Variants in CDC14A observed in about 807,000 individuals in gnomAD.
The protein encoded by CDC14A is cell division cycle 14A.
In CDC14A, 53 loss-of-function variants were observed where a neutral mutation model predicts 74.4. The observed-to-expected ratio is 0.71, with a 90% CI of 0.57 to 0.89. The LOEUF is 0.89. Ranked by LOEUF, CDC14A falls within the 40% of genes least tolerant of loss-of-function variation. The pLI is 0.00. For synonymous variants in CDC14A, 247 were observed against 258.4 expected, an observed-to-expected ratio of 0.96 and a Z score of 0.43; for missense variants, 646 against 713.7, an observed-to-expected ratio of 0.91 and a Z score of 1.08.
chr1:100,463,160 G>GT (rs1667480320), intron 9 of CDC14A, among the ~76,000 whole-genome samples: 2 of 152,168 alleles, frequency 1.3e-5, no homozygotes, highest in Non-Finnish European at 2.9e-5. Context: ...CACAGTAGCA[G>GT]TGTCTTTAGG....
intron 2 of CDC14A, among the ~76,000 whole-genome samples, chr1:100,375,702 A>T (rs1338882342): frequency 2.0e-5 from 3 of 152,234 alleles, no homozygotes; most frequent in Non-Finnish European, 4.4e-5. Flanking sequence ...TGTTGGTAGG[A>T]CTGTAAACTA....
intron 5 of CDC14A, among the ~76,000 whole-genome samples, chr1:100,427,297 A>T (rs1377582631): frequency 1.3e-5 from 2 of 152,184 alleles, no homozygotes; most frequent in Non-Finnish European, 2.9e-5. Context: ...AAAAATGAAG[A>T]TGATTTTGAA....
Position 100,509,272 on chromosome 1 carries a change from T to C in CDC14A, c.1756-8979T>C, listed in dbSNP as rs778948516. ...TAATCTCACCAGACCATAGCAATCA[T>C]GATGTTTTTTGAAGTCATTCTGTTT... On this transcript the variant is annotated intron_variant, in intron 15 of 15. Transcript: ENST00000336454. Among the ~76,000 whole-genome samples the C allele has an allele frequency of 5.3e-5, 8 of 152,314 alleles. No homozygotes were observed. The South Asian group carries it at 6.2e-4, about 12-fold the overall frequency.
chr1:100,442,292 C>T (rs778522887), intron 6 of CDC14A, among the ~76,000 whole-genome samples: 5 of 145,196 alleles, frequency 3.4e-5, no homozygotes, highest in Non-Finnish European at 6.0e-5. Context: ...AGAAATATTA[C>T]ATATATATTA....
At chr1:100,465,703 A>G (rs1667734987) in intron 9 of CDC14A, among the ~76,000 whole-genome samples, 2 of 152,252 alleles carry the variant, frequency 1.3e-5, no homozygotes, top group South Asian at 4.1e-4. Flanking sequence ...ATTACATTTC[A>G]ATATCTGCAT....
At chr1:100,361,133 A>G (rs1399616195) in intron 2 of CDC14A, among the ~76,000 whole-genome samples, 2 of 152,144 alleles carry the variant, frequency 1.3e-5, no homozygotes, top group African/African-American at 4.8e-5. Context: ...CAAAAAACAA[A>G]AAAACTAAAA....
At chr1:100,431,275 T>G (rs1344736748) in intron 5 of CDC14A, among the ~76,000 whole-genome samples, 1 of 152,104 alleles carries the variant, frequency 6.6e-6, no homozygotes, top group Non-Finnish European at 1.5e-5. Context: ...GTGATTTGTG[T>G]TGCGAAAATT....
In CDC14A at chr1:100,505,007, T is replaced by G. The variant is rs1308890066; in HGVS notation, c.1755+5745T>G. 5 of 1,322,128 alleles carry G rather than the reference T, an allele frequency of 3.8e-6. No homozygotes were observed. The African/African-American group carries it at 5.9e-5, about 16-fold the overall frequency. The allele number at this position is 1,322,128 out of a possible 1,614,324, so 81.9% of individuals were successfully genotyped here. A position where few individuals can be genotyped will look rare whatever the true frequency, so the allele number is the denominator to read the frequency against. On this transcript the variant is annotated intron_variant, in intron 15 of 15. Coordinates refer to ENST00000336454, the MANE Select transcript of CDC14A (RefSeq NM_003672.4). ...ATGCTATTATATACATGAACATCTA[T>G]ATTTGTTTACATATTGTCTGTGTAT... is the stretch of plus-strand genomic sequence containing the variant.
intron 2 of CDC14A, among the ~76,000 whole-genome samples, chr1:100,361,781 T>C (rs1393951605): frequency 6.6e-6 from 1 of 152,180 alleles, no homozygotes; most frequent in Non-Finnish European, 1.5e-5. Context: ...TGGATGTCAG[T>C]AAATTGTGCT....
chr1:100,386,422 T>C (rs1656874337), intron 3 of CDC14A, among the ~76,000 whole-genome samples: 1 of 152,208 alleles, frequency 6.6e-6, no homozygotes, highest in Non-Finnish European at 1.5e-5. Flanking sequence ...CCTGTGAGCT[T>C]CTTGTGTAAA....
At chr1:100,380,257 G>T (rs982070919) in intron 3 of CDC14A, among the ~76,000 whole-genome samples, 2 of 152,116 alleles carry the variant, frequency 1.3e-5, no homozygotes, top group Non-Finnish European at 2.9e-5. Flanking sequence ...CTCAGAAAGG[G>T]AAGCCTGGGA....
chr1:100,462,444 CAGA>C, intron 8 of CDC14A: 1 of 555,004 alleles, frequency 1.8e-6, no homozygotes, highest in Non-Finnish European at 3.2e-6. Flanking sequence ...TCAGTACTTA[CAGA>C]AGTTTTCTTT....
chr1:100,470,680 A>G (rs2082215272), intron 10 of CDC14A, among the ~76,000 whole-genome samples: 1 of 152,280 alleles, frequency 6.6e-6, no homozygotes, highest in South Asian at 2.1e-4. Flanking sequence ...ATAGAAGGTA[A>G]TATATGTATA....
intron 10 of CDC14A, among the ~76,000 whole-genome samples, chr1:100,472,267 T>C (rs1571281500): frequency 1.3e-5 from 2 of 152,206 alleles, no homozygotes; most frequent in Non-Finnish European, 2.9e-5. Context: ...GTTGGAGATA[T>C]ACCTGTGAGT....
At chr1:100,388,706 A>G (rs1657217553) in intron 3 of CDC14A, among the ~76,000 whole-genome samples, 1 of 152,114 alleles carries the variant, frequency 6.6e-6, no homozygotes, top group African/African-American at 2.4e-5. Context: ...TCCTGAGCTT[A>G]AGTGATACTC....
intron 2 of CDC14A, among the ~76,000 whole-genome samples, chr1:100,362,949 CAG>C (rs1457939522): frequency 6.6e-6 from 1 of 152,176 alleles, no homozygotes; most frequent in Non-Finnish European, 1.5e-5. Context: ...TCTTGTGAGA[CAG>C]AGGAGTCCAA....
At chr1:100,422,840 T>G (rs1050042979) in intron 4 of CDC14A, among the ~76,000 whole-genome samples, 1 of 152,210 alleles carries the variant, frequency 6.6e-6, no homozygotes, top group African/African-American at 2.4e-5. Context: ...CGTTTTCTAG[T>G]CCTGAAATAT....
chr1:100,466,827 A>C (rs1445513464), intron 9 of CDC14A, among the ~76,000 whole-genome samples: 1 of 146,668 alleles, frequency 6.8e-6, no homozygotes, highest in Non-Finnish European at 1.5e-5. Context: ...CCGAGATCGC[A>C]CTATTGCATT....
intron 4 of CDC14A, 25 bp from the exon 5 acceptor site, chr1:100,424,197 A>C: frequency 6.4e-7 from 1 of 1,551,802 alleles, no homozygotes; most frequent in Non-Finnish European, 8.9e-7. Flanking sequence ...TGGGTGTTCT[A>C]AATGTTACTA....
Sources: allele counts gnomAD v4.1 joint callset (sites outside exome capture counted in the v4.1 genomes callset), GRCh38; gene constraint gnomAD v4.1.1; transcripts MANE v1.5; gene names NCBI Gene and HGNC (gene_info 2026-07-23, HGNC 2026-07-21).